The following DCC variants were observed in gnomAD, a reference collection of about 807,000 sequenced individuals.
DCC encodes netrin receptor DCC.
DCC carries 58 observed loss-of-function variants against 172.5 expected under a neutral mutation model. The ratio of observed to expected loss-of-function variants is 0.34; its 90% CI spans 0.27 to 0.42. DCC has a LOEUF of 0.42. Ranked by LOEUF, DCC falls within the 10% of genes least tolerant of loss-of-function variation. The pLI is 1.00. For missense variants in DCC, 1,740 were observed against 1,791.0 expected (o/e 0.97, Z 0.51); for synonymous variants, 709 against 644.5 (o/e 1.10, Z -1.52).
intron 15 of DCC, among the ~76,000 whole-genome samples, chr18:53,356,343 T>A (rs2057877778): frequency 6.6e-6 from 1 of 152,210 alleles, no homozygotes; most frequent in Non-Finnish European, 1.5e-5. Context: ...TTTATTATGT[T>A]TTTTTCTTCA....
chr18:53,348,292 G>A (rs758971808), intron 15 of DCC, among the ~76,000 whole-genome samples: 3 of 152,144 alleles, frequency 2.0e-5, no homozygotes, highest in Non-Finnish European at 4.4e-5. Context: ...AGTCCAGAGG[G>A]ACAGTCAAAT....
At chr18:53,193,223 A>G (rs374934544) in intron 9 of DCC, among the ~76,000 whole-genome samples, 2 of 152,052 alleles carry the variant, frequency 1.3e-5, no homozygotes, top group African/African-American at 4.8e-5. Context: ...CATCCTCCCA[A>G]GGCTTTTAAG....
At chr18:53,389,413 A>G (rs529307608) in intron 16 of DCC, among the ~76,000 whole-genome samples, 3 of 152,318 alleles carry the variant, frequency 2.0e-5, no homozygotes, top group Admixed American at 1.3e-4. Flanking sequence ...GTGCACGATA[A>G]CGCTCTGCTT....
chr18:52,536,649 A>G (rs545236676), intron 1 of DCC, among the ~76,000 whole-genome samples: 1 of 152,212 alleles, frequency 6.6e-6, no homozygotes, highest in South Asian at 2.1e-4. Context: ...GTTTGATTTA[A>G]TCACATACCT....
intron 1 of DCC, among the ~76,000 whole-genome samples, chr18:52,732,848 C>T (rs930447582): frequency 2.6e-5 from 4 of 152,134 alleles, no homozygotes; most frequent in African/African-American, 9.6e-5. Flanking sequence ...GTTCTTCCCT[C>T]TTCTGAAAGA....
At chr18:52,956,073 G>A (rs2040737218) in intron 5 of DCC, among the ~76,000 whole-genome samples, 2 of 151,558 alleles carry the variant, frequency 1.3e-5, no homozygotes, top group Admixed American at 1.3e-4. Flanking sequence ...TTTTAACGAA[G>A]TCCAACTTAT....
intron 5 of DCC, among the ~76,000 whole-genome samples, chr18:52,959,393 T>G (rs2145565002): frequency 6.6e-6 from 1 of 152,220 alleles, no homozygotes; most frequent in African/African-American, 2.4e-5. Flanking sequence ...TCACTAGCTG[T>G]GTGGTCTTGG....
intron 5 of DCC, among the ~76,000 whole-genome samples, chr18:53,057,838 CA>C (rs1352203542): frequency 1.3e-5 from 2 of 151,958 alleles, no homozygotes; most frequent in African/African-American, 4.8e-5. Flanking sequence ...ATTTAAAAAA[CA>C]AACAAACATA....
intron 2 of DCC, among the ~76,000 whole-genome samples, chr18:52,814,233 C>T (rs1343909897): frequency 2.0e-5 from 3 of 152,170 alleles, no homozygotes; most frequent in Non-Finnish European, 4.4e-5. Flanking sequence ...TCAACCTCAT[C>T]AGTGAAGGAA....
chr18:53,380,303 T>TG (rs1316027532), intron 15 of DCC, among the ~76,000 whole-genome samples: 15 of 152,304 alleles, frequency 9.8e-5, no homozygotes, highest in African/African-American at 3.4e-4. Context: ...TCTTACATAC[T>TG]GGTAGAAAAC....
chr18:53,147,366 G>A (rs750419392), intron 7 of DCC, among the ~76,000 whole-genome samples: 1 of 152,108 alleles, frequency 6.6e-6, no homozygotes, highest in Non-Finnish European at 1.5e-5. Flanking sequence ...AAACAAAAAG[G>A]AATCTAAGGA....
chr18:52,965,008 C>T (rs961098712), intron 5 of DCC: 1 of 152,144 alleles, frequency 6.6e-6, no homozygotes, highest in African/African-American at 2.4e-5. Context: ...TCTGATCTTA[C>T]CCTTTTGCAT....
chr18:53,303,934 T>C (rs2057169914), intron 12 of DCC, among the ~76,000 whole-genome samples: 1 of 152,062 alleles, frequency 6.6e-6, no homozygotes, highest in Non-Finnish European at 1.5e-5. Context: ...CTCAGCAGGA[T>C]GGATGGGAAG....
intron 1 of DCC, among the ~76,000 whole-genome samples, chr18:52,382,700 G>A (rs1452747773): frequency 1.3e-5 from 2 of 152,106 alleles, no homozygotes; most frequent in East Asian, 3.9e-4. Context: ...TGATATCAGG[G>A]TTCTGCCTTG....
At position 52,814,908 on chromosome 18, in the gene DCC, G is replaced by A. The variant is rs2038265003; in HGVS notation, c.412+62534G>A. On this transcript the variant is annotated intron_variant, in intron 2 of 28. Transcript: ENST00000442544. Reference sequence around the variant, plus strand: ...GATTAGGACCCTGGAATGAGGTGGTGATGGCTAAAAAAAATGAGGCTATAT... The same window carrying A: ...GATTAGGACCCTGGAATGAGGTGGTAATGGCTAAAAAAAATGAGGCTATAT... Among the ~76,000 whole-genome samples, 3 of 152,124 alleles carry A rather than the reference G, an allele frequency of 2.0e-5. No homozygotes were observed. In the South Asian group the frequency reaches 6.2e-4, roughly 32 times the overall value.
chr18:52,529,563 T>G (rs951170216), intron 1 of DCC, among the ~76,000 whole-genome samples: 2 of 152,204 alleles, frequency 1.3e-5, no homozygotes, highest in African/African-American at 4.8e-5. Flanking sequence ...GTGCTGGGAT[T>G]ACAGGCGTGA....
intron 1 of DCC, among the ~76,000 whole-genome samples, chr18:52,574,945 G>A (rs762862766): frequency 2.0e-5 from 3 of 152,048 alleles, no homozygotes; most frequent in Non-Finnish European, 4.4e-5. Context: ...TCTGAATTAG[G>A]TACACTGTAC....
At chr18:53,263,566 A>G (rs1219411545) in intron 12 of DCC, among the ~76,000 whole-genome samples, 2 of 152,218 alleles carry the variant, frequency 1.3e-5, no homozygotes, top group East Asian at 1.9e-4. Context: ...AGTAGTTATT[A>G]TAATGGAAAG....
chr18:52,393,590 A>G (rs1160698408), intron 1 of DCC, among the ~76,000 whole-genome samples: 1 of 152,118 alleles, frequency 6.6e-6, no homozygotes, highest in East Asian at 1.9e-4. Context: ...CTTATTACAG[A>G]TGAAAATTCC....
Sources: gnomAD v4.1 joint callset for allele counts (sites outside exome capture counted in the v4.1 genomes callset) on GRCh38, gnomAD v4.1.1 for gene constraint, MANE v1.5 for transcripts, NCBI Gene and HGNC (gene_info 2026-07-23, HGNC 2026-07-21) for gene names.